IPPK: variants seen among roughly 807,000 people sequenced by gnomAD.
IPPK encodes IPK1 homolog.
A neutral mutation model predicts 64.6 loss-of-function variants in IPPK; 22 were observed. The observed-to-expected ratio is 0.34, with a 90% CI of 0.24 to 0.49. IPPK has a LOEUF of 0.49. Ranked by LOEUF, IPPK falls within the 20% of genes least tolerant of loss-of-function variation. The probability of loss-of-function intolerance (pLI) is 0.99; values close to 1 mark genes in which losing one functional copy is unlikely to be tolerated. For synonymous variants in IPPK, 262 were observed against 247.2 expected, an observed-to-expected ratio of 1.06 and a Z score of -0.56; for missense variants, 532 against 630.7, an observed-to-expected ratio of 0.84 and a Z score of 1.68.
At chr9:92,618,884 G>C in intron 12 of IPPK, 4 of 329,846 alleles carry the variant, frequency 1.2e-5, no homozygotes, top group Non-Finnish European at 2.4e-5. Context: ...CTGGGTGCAG[G>C]GTTTAGCACC....
At position 92,616,039 on chromosome 9, in the gene IPPK, G is replaced by C; in HGVS notation, c.1269C>G (p.Val423=). ...LQDASSDQRP[V]VPSSRSRFAF... The stretch of plus-strand genomic sequence containing the variant: ...CAAACCTGGACCTCGATGAAGGGAC[G>C]ACAGGCCTTTGATCAGAGCTGCAAG... Residue 423 remains valine (V), a synonymous_variant, in exon 13 of 13, where the codon GTC becomes GTG. Coordinates refer to ENST00000287996, the MANE Select transcript of IPPK (RefSeq NM_022755.6). 6.2e-7 allele frequency: 1 copy of C among 1,613,806 alleles called. No individual in the cohort carries two copies. Among genetic ancestry groups the C allele is most frequent in the South Asian group, 1.1e-5 (1 of 91,006 alleles).
At position 92,665,616 on chromosome 9, in the gene IPPK, T is replaced by A. The variant is rs748314487; in HGVS notation, c.81+4292A>T. 2.0e-5 allele frequency among the ~76,000 whole-genome samples: 3 copies of A among 152,352 alleles called. No individual in the cohort carries two copies. The South Asian group carries it at 6.2e-4, about 32-fold the overall frequency. On this transcript the variant is annotated intron_variant, in intron 1 of 12. Transcript: ENST00000287996. ...AAAAAAAAGTAAAAGTGATTCGTGA[T>A]ACTATCAGTTACAGCCACTTAGAAC...
At chr9:92,645,923 T>TA (rs1852142003) in intron 6 of IPPK, among the ~76,000 whole-genome samples, 1 of 150,894 alleles carries the variant, frequency 6.6e-6, no homozygotes, top group Non-Finnish European at 1.5e-5. Flanking sequence ...CAGGAAGAAA[T>TA]AAAGAGTATC....
At chr9:92,637,287 G>A (rs1851959914) in intron 9 of IPPK, among the ~76,000 whole-genome samples, 1 of 152,216 alleles carries the variant, frequency 6.6e-6, no homozygotes. Flanking sequence ...GCCTGGGTAA[G>A]AGAGTAAGAT....
intron 1 of IPPK, among the ~76,000 whole-genome samples, chr9:92,663,030 C>T (rs750914726): frequency 5.3e-5 from 8 of 152,124 alleles, no homozygotes; most frequent in South Asian, 2.1e-4. Flanking sequence ...ACTGGGAACA[C>T]GTGAGCACCC....
At chr9:92,637,525 C>T (rs1389257169) in intron 9 of IPPK, among the ~76,000 whole-genome samples, 3 of 152,158 alleles carry the variant, frequency 2.0e-5, no homozygotes, top group South Asian at 2.1e-4. Flanking sequence ...GCAAGGAAGG[C>T]GTCCCGCAGT....
At chr9:92,616,828 T>C (rs952867294) in intron 12 of IPPK, 1 of 152,268 alleles carries the variant, frequency 6.6e-6, no homozygotes, top group Admixed American at 6.5e-5. Flanking sequence ...CTCAAGACAC[T>C]GGCTAAACAA....
In IPPK at chr9:92,648,095, A is replaced by G; in HGVS notation, c.468T>C (p.His156=). The change falls in exon 6 of 13, where the codon CAT becomes CAC. Residue 156 remains histidine, a synonymous_variant. Transcript: ENST00000287996. ...FSSDVTHEMK[H]KVCRYCMHQH... The stretch of plus-strand genomic sequence containing the variant: ...GGTGCATGCAGTATCGACAGACCTT[A>G]TGCTTCATCTCATGCGTGACATCAC... 1 of 1,613,706 alleles carries G rather than the reference A, an allele frequency of 6.2e-7. No individual in the cohort carries two copies. Among genetic ancestry groups the G allele is most frequent in the Non-Finnish European group, 8.5e-7 (1 of 1,179,792 alleles).
intron 1 of IPPK, among the ~76,000 whole-genome samples, chr9:92,659,305 G>C (rs1852434514): frequency 6.6e-6 from 1 of 152,140 alleles, no homozygotes; most frequent in African/African-American, 2.4e-5. Flanking sequence ...CTTACTTTGT[G>C]ATAATTAAGC....
intron 12 of IPPK, 45 bp from the exon 13 acceptor site, chr9:92,616,102 C>T (rs755393370): frequency 3.4e-5 from 45 of 1,342,160 alleles, no homozygotes; most frequent in Non-Finnish European, 4.4e-5. Context: ...GCCCCCCATT[C>T]ATTTCCCTCC....
At chr9:92,634,845 A>C (rs1416458168) in intron 10 of IPPK, among the ~76,000 whole-genome samples, 1 of 152,244 alleles carries the variant, frequency 6.6e-6, no homozygotes. Flanking sequence ...GGGCTGACAC[A>C]GAACGACCTG....
chr9:92,638,159 C>T lies in IPPK; in HGVS notation c.758G>A (p.Cys253Tyr). Reference sequence around the variant, plus strand: ...CAGCTCCCTGATCACAGCCCTTGTGCAGTGGGGCCCACTGGCCAGGCCGTT... The same window carrying T: ...CAGCTCCCTGATCACAGCCCTTGTGTAGTGGGGCCCACTGGCCAGGCCGTT... Reference protein sequence around the residue: ...PSNGLASGPHCTRAVIRELVH... With the variant: ...PSNGLASGPHYTRAVIRELVH... Residue 253 changes from cysteine (C) to tyrosine (Y), a missense_variant, in exon 9 of 13, where the codon TGC becomes TAC. Physicochemically the swap from Cys to Tyr is radical, Grantham distance 194. Transcript: ENST00000287996. The T allele has an allele frequency of 6.2e-7, 1 of 1,614,252 alleles. No individual in the cohort carries two copies. The highest frequency in any genetic ancestry group is 2.2e-5 in the East Asian group (1 of 44,884).
Position 92,635,098 on chromosome 9 carries a change from C to T in IPPK, c.1067+60G>A, listed in dbSNP as rs1851914157. The T allele has an allele frequency of 4.0e-6, 6 of 1,504,216 alleles. No homozygotes were observed. The highest frequency in any genetic ancestry group is 2.8e-5 in the African/African-American group (2 of 71,514). The allele number at this position is 1,504,216 out of a possible 1,614,324, so 93.2% of individuals were successfully genotyped here. A position where few individuals can be genotyped will look rare whatever the true frequency, so the allele number is the denominator to read the frequency against. On this transcript the variant is annotated intron_variant, in intron 10 of 12. Transcript: ENST00000287996. This position sits in a 1 kb window ranked among gnomAD's most constrained non-coding sequence, Gnocchi z 4.4. ...TGTGCCTTGGGAGGCGCATTCTTAC[C>T]CTGCCCACTCCCACAGTCTCCTCTC...
At chr9:92,646,063 T>A (rs1285438489) in intron 6 of IPPK, among the ~76,000 whole-genome samples, 1 of 152,236 alleles carries the variant, frequency 6.6e-6, no homozygotes, top group South Asian at 2.1e-4. Flanking sequence ...CAGAACATCA[T>A]GTAGAAACAT....
chr9:92,618,785 A>T (rs1353076867), intron 12 of IPPK: 1 of 352,560 alleles, frequency 2.8e-6, no homozygotes, highest in Non-Finnish European at 5.6e-6. Context: ...GTTCAAAAGC[A>T]CCGGGAAAGT....
intron 6 of IPPK, among the ~76,000 whole-genome samples, chr9:92,643,209 T>G (rs1324071602): frequency 1.3e-5 from 2 of 152,240 alleles, no homozygotes; most frequent in African/African-American, 4.8e-5. Flanking sequence ...GAAGATAAGT[T>G]GGCATAACAT....
At chr9:92,658,143 A>G (rs1321150581) in intron 2 of IPPK, among the ~76,000 whole-genome samples, 1 of 152,150 alleles carries the variant, frequency 6.6e-6, no homozygotes, top group Non-Finnish European at 1.5e-5. Context: ...GTCAAAAAAG[A>G]GAGGGCAATG....
intron 1 of IPPK, among the ~76,000 whole-genome samples, chr9:92,663,953 G>C (rs1852540545): frequency 6.6e-6 from 1 of 152,252 alleles, no homozygotes; most frequent in Non-Finnish European, 1.5e-5. Context: ...GCAATGCTCA[G>C]CTCCAGCTTC....
chr9:92,620,931 G>A (rs941495486), intron 11 of IPPK, among the ~76,000 whole-genome samples: 2 of 152,198 alleles, frequency 1.3e-5, no homozygotes, highest in Non-Finnish European at 2.9e-5. Flanking sequence ...AAAACTGGTA[G>A]CTTATAAACA....
Sources: allele counts gnomAD v4.1 joint callset (sites outside exome capture counted in the v4.1 genomes callset), GRCh38; gene constraint gnomAD v4.1.1; non-coding constraint Gnocchi (gnomAD v3.1); transcripts MANE v1.5; gene names NCBI Gene and HGNC (gene_info 2026-07-23, HGNC 2026-07-21).